SYNPR: variants seen among roughly 807,000 people sequenced by gnomAD.
The protein encoded by SYNPR is synaptoporin.
SYNPR carries 23 observed loss-of-function variants against 32.9 expected under a neutral mutation model. That is an observed-to-expected ratio of 0.70 (90% CI 0.50 to 0.99). The LOEUF is 0.99. Ranked by LOEUF, SYNPR falls within the 50% of genes least tolerant of loss-of-function variation. The pLI is 0.00. For missense variants in SYNPR, 318 were observed against 349.3 expected (o/e 0.91, Z 0.71); for synonymous variants, 146 against 135.9 (o/e 1.07, Z -0.52).
intron 2 of SYNPR, among the ~76,000 whole-genome samples, chr3:63,357,419 C>T (rs745477917): frequency 1.3e-5 from 2 of 152,188 alleles, no homozygotes; most frequent in Non-Finnish European, 2.9e-5. Flanking sequence ...TCTTCCATCT[C>T]AGCTAGCCAT....
chr3:63,405,663 T>G (rs562488629), intron 2 of SYNPR, among the ~76,000 whole-genome samples: 1 of 152,244 alleles, frequency 6.6e-6, no homozygotes, highest in African/African-American at 2.4e-5. Context: ...CCCTTCAGGC[T>G]GCCATGTGGA....
intron 2 of SYNPR, among the ~76,000 whole-genome samples, chr3:63,335,664 CT>C (rs1276844153): frequency 6.6e-6 from 1 of 151,682 alleles, no homozygotes; most frequent in East Asian, 1.9e-4. Flanking sequence ...TGACCTTGTA[CT>C]TCTGTCTGGC....
chr3:63,275,304 A>G (rs545786213), upstream of SYNPR, among the ~76,000 whole-genome samples: 98 of 152,324 alleles, frequency 6.4e-4, no homozygotes, highest in African/African-American at 2.2e-3. Context: ...AGTCTACAAA[A>G]TATTTAACAT....
intron 1 of SYNPR, among the ~76,000 whole-genome samples, chr3:63,240,115 A>T (rs1043058526): frequency 5.3e-5 from 8 of 152,036 alleles, no homozygotes; most frequent in African/African-American, 1.9e-4. Context: ...CTTACTCCTC[A>T]TGAGTTTTGT....
chr3:63,524,864 TGTGTGTGAGAGA>T (rs1701980811), intron 3 of SYNPR, among the ~76,000 whole-genome samples: 1 of 150,624 alleles, frequency 6.6e-6, no homozygotes, highest in Non-Finnish European at 1.5e-5. Context: ...TGTGTGTGTG[TGTGTGTGAGAGA>T]GAGAGAGAGA....
intron 3 of SYNPR, among the ~76,000 whole-genome samples, chr3:63,503,858 A>G (rs1210589889): frequency 6.6e-6 from 1 of 152,056 alleles, no homozygotes; most frequent in Non-Finnish European, 1.5e-5. Flanking sequence ...TGAGTCTGAA[A>G]AAAATGAATT....
chr3:63,494,405 A>ATATATACG lies in SYNPR; in HGVS notation c.209+13455_209+13456insCGTATATA, dbSNP rs1427127802. On this transcript the variant is annotated intron_variant, in intron 3 of 5. Transcript: ENST00000478300. ...GATATGTTAATTCTTATATATATAT[A>ATATATACG]TATATATATATACGTATATATATAT... Among the ~76,000 whole-genome samples the ATATATACG allele has an allele frequency of 3.6e-4, 19 of 53,222 alleles. 1 individual carries two copies. The highest frequency in any genetic ancestry group is 7.6e-5 in the Non-Finnish European group (2 of 26,160). 34.9% of individuals were successfully genotyped at this position (53,222 alleles called of 152,430 possible).
chr3:63,605,188 GA>G (rs1453887727), intron 4 of SYNPR, among the ~76,000 whole-genome samples: 6 of 152,210 alleles, frequency 3.9e-5, no homozygotes, highest in Non-Finnish European at 8.8e-5. Context: ...GGGATAGAGA[GA>G]AAGGTGTACA....
chr3:63,496,410 T>C (rs1424713676), intron 3 of SYNPR, among the ~76,000 whole-genome samples: 1 of 152,148 alleles, frequency 6.6e-6, no homozygotes, highest in East Asian at 1.9e-4. Context: ...GACTATATCA[T>C]AGTTTATGAT....
intron 3 of SYNPR, among the ~76,000 whole-genome samples, chr3:63,555,312 G>A (rs1702577863): frequency 7.1e-6 from 1 of 140,560 alleles, no homozygotes; most frequent in African/African-American, 2.6e-5. Flanking sequence ...GAATTTATGA[G>A]GTTCGTGAAT....
intron 2 of SYNPR, among the ~76,000 whole-genome samples, chr3:63,323,432 G>A (rs2087132365): frequency 6.6e-6 from 1 of 152,058 alleles, no homozygotes; most frequent in African/African-American, 2.4e-5. Flanking sequence ...TTCTACTATG[G>A]AGTTAATATG....
At chr3:63,492,538 G>A (rs1367609795) in intron 3 of SYNPR, among the ~76,000 whole-genome samples, 1 of 152,140 alleles carries the variant, frequency 6.6e-6, no homozygotes, top group Non-Finnish European at 1.5e-5. Context: ...TTCTATTTAG[G>A]TAAGATCTGA....
intron 4 of SYNPR, among the ~76,000 whole-genome samples, chr3:63,591,817 G>A (rs1157637516): frequency 2.1e-4 from 24 of 112,942 alleles, no homozygotes; most frequent in African/African-American, 7.7e-4. Flanking sequence ...GGGGTGGGGG[G>A]AGGGGGGGAG....
At position 63,569,178 on chromosome 3, in the gene SYNPR, T is replaced by C. The variant is rs552929201; in HGVS notation, c.408+12437T>C. Among the ~76,000 whole-genome samples the C allele has an allele frequency of 5.5e-4, 84 of 152,334 alleles. 1 individual carries two copies. The Middle Eastern group carries it at 0.01, about 19-fold the overall frequency. ...AATGAATTATTTCACCAATCTCTTA[T>C]TGTTGGACTTCGAATTTTACATGGC... On this transcript the variant is annotated intron_variant, in intron 4 of 5. Transcript: ENST00000478300.
chr3:63,501,669 T>C (rs1172023151), intron 3 of SYNPR, among the ~76,000 whole-genome samples: 1 of 152,164 alleles, frequency 6.6e-6, no homozygotes, highest in Non-Finnish European at 1.5e-5. Flanking sequence ...CTATTGTAAG[T>C]CTTACTTGGA....
intron 3 of SYNPR, among the ~76,000 whole-genome samples, chr3:63,545,761 G>A (rs1393362691): frequency 6.6e-6 from 1 of 152,084 alleles, no homozygotes; most frequent in Non-Finnish European, 1.5e-5. Flanking sequence ...TTTTCCTCCT[G>A]TAAACATTCC....
chr3:63,398,159 C>T (rs1462128851), intron 2 of SYNPR, among the ~76,000 whole-genome samples: 3 of 152,114 alleles, frequency 2.0e-5, no homozygotes, highest in African/African-American at 7.2e-5. Context: ...TCTTTGTCTT[C>T]TGTAAATGAA....
At chr3:63,253,516 G>C (rs1190711118) in intron 2 of SYNPR, among the ~76,000 whole-genome samples, 4 of 152,044 alleles carry the variant, frequency 2.6e-5, no homozygotes, top group African/African-American at 9.7e-5. Flanking sequence ...TATTGTATTT[G>C]TTTAAAAATA....
chr3:63,203,068 G>GTATATATATATATATATATATA, the SYNPR span: 278 of 108,218 alleles, frequency 2.6e-3, 1 homozygote, highest in Non-Finnish European at 3.3e-3. Context: ...ATATGTATGT[G>GTATATATATATATATATATATA]TATATATATA....
Sources: gnomAD v4.1 joint callset for allele counts (sites outside exome capture counted in the v4.1 genomes callset) on GRCh38, gnomAD v4.1.1 for gene constraint, MANE v1.5 for transcripts, NCBI Gene and HGNC (gene_info 2026-07-23, HGNC 2026-07-21) for gene names.